The following POU1F1 variants were observed in gnomAD, a reference collection of about 807,000 sequenced individuals.
POU1F1 encodes the protein pituitary-specific positive transcription factor 1.
In POU1F1, 23 loss-of-function variants were observed where a neutral mutation model predicts 32.3. The ratio of observed to expected loss-of-function variants is 0.71; its 90% CI spans 0.51 to 1.01. POU1F1 has a LOEUF of 1.01. POU1F1 is among the 50% of genes least tolerant of loss of function. POU1F1 has a pLI of 0.00. For synonymous variants in POU1F1, 120 were observed against 115.6 expected, an observed-to-expected ratio of 1.04 and a Z score of -0.25; for missense variants, 323 against 341.6, an observed-to-expected ratio of 0.95 and a Z score of 0.43.
At chr3:87,266,933 G>T (rs995324485) in intron 2 of POU1F1, among the ~76,000 whole-genome samples, 1 of 151,854 alleles carries the variant, frequency 6.6e-6, no homozygotes, top group Non-Finnish European at 1.5e-5. Context: ...AGGTCCATCA[G>T]GTATCACTTA....
intron 5 of POU1F1, 107 bp downstream of exon 5, chr3:87,261,166 T>A: frequency 1.2e-6 from 1 of 868,406 alleles, no homozygotes. Flanking sequence ...GGCCTCCCAA[T>A]TCACCTTACA....
chr3:87,266,010 T>C (rs1706613217), intron 2 of POU1F1, among the ~76,000 whole-genome samples: 1 of 150,780 alleles, frequency 6.6e-6, no homozygotes, highest in Non-Finnish European at 1.5e-5. Context: ...AGAAACTTAC[T>C]GGAAAAAAAT....
At chr3:87,266,430 T>C (rs1056623471) in intron 2 of POU1F1, among the ~76,000 whole-genome samples, 2 of 149,290 alleles carry the variant, frequency 1.3e-5, no homozygotes, top group Non-Finnish European at 3.0e-5. Flanking sequence ...ATAGGGTATA[T>C]TATTTTTTCT....
At position 87,276,330 on chromosome 3, in the gene POU1F1, T is replaced by A. The variant is rs1465997215; in HGVS notation, c.133A>T (p.Met45Leu). 1.2e-6 allele frequency: 2 copies of A among 1,613,818 alleles called. No homozygotes were observed. The highest frequency in any genetic ancestry group is 2.7e-5 in the African/African-American group (2 of 74,910). Residue 45 changes from methionine (M) to leucine (L), a missense_variant, in exon 1 of 6, where the codon ATG (methionine) becomes TTG (leucine). Physicochemically the swap from Met to Leu is conservative, Grantham distance 15 (BLOSUM62 2). Transcript: ENST00000350375. ...TCATAGGAGTCAGTACCTGTAGACA[T>A]CACATTGGTGGCATGGTTGGAGACT... ...LPVSNHATNVMSTATGLHYSV... is the reference protein window; with the variant it reads ...LPVSNHATNVLSTATGLHYSV...
intron 2 of POU1F1, among the ~76,000 whole-genome samples, chr3:87,268,084 CTTTTTTTTT>C (rs11387958): frequency 8.6e-6 from 1 of 116,470 alleles, no homozygotes; most frequent in African/African-American, 3.0e-5. Context: ...TTCCCTTTCC[CTTTTTTTTT>C]TTTTTTTTTT....
At chr3:87,267,897 GAACCCAGCCACAA>G (rs896716288) in intron 2 of POU1F1, among the ~76,000 whole-genome samples, 11 of 151,998 alleles carry the variant, frequency 7.2e-5, no homozygotes, top group Non-Finnish European at 1.5e-4. Context: ...ATAAGCCACA[GAACCCAGCCACAA>G]AAATTGAAAG....
chr3:87,268,815 C>A (rs1449034207), intron 2 of POU1F1, among the ~76,000 whole-genome samples: 2 of 152,068 alleles, frequency 1.3e-5, no homozygotes, highest in Non-Finnish European at 2.9e-5. Flanking sequence ...TTCACCAGAG[C>A]CTTTCTAAAT....
chr3:87,268,104 T>TC (rs1284918817), intron 2 of POU1F1, among the ~76,000 whole-genome samples: 1 of 147,470 alleles, frequency 6.8e-6, no homozygotes, highest in Non-Finnish European at 1.5e-5. Flanking sequence ...TTTTTTTTTT[T>TC]TGACACAGCG....
At chr3:87,268,663 T>C (rs1706671622) in intron 2 of POU1F1, among the ~76,000 whole-genome samples, 1 of 152,144 alleles carries the variant, frequency 6.6e-6, no homozygotes, top group African/African-American at 2.4e-5. Flanking sequence ...ATGTTGTGAG[T>C]CATGTGTGAC....
At chr3:87,265,176 C>T (rs182581815) in intron 2 of POU1F1, among the ~76,000 whole-genome samples, 1 of 151,554 alleles carries the variant, frequency 6.6e-6, no homozygotes, top group Admixed American at 6.6e-5. Context: ...CAAAAGGTAA[C>T]CTTAAAAGTT....
rs980516775 is a variant in POU1F1, at chr3:87,260,761, T to C, written c.665+512A>G. On this transcript the variant is annotated intron_variant, in intron 5 of 5. Coordinates refer to ENST00000350375, the MANE Select transcript of POU1F1 (RefSeq NM_000306.4). The stretch of plus-strand genomic sequence containing the variant: ...TTTTCTTTCTGTTTGTATTCAAAAT[T>C]TTGGAGTAAAAGTGTTCTTGAATCA... 3.3e-5 allele frequency among the ~76,000 whole-genome samples: 5 copies of C among 152,108 alleles called. No individual in the cohort carries two copies. The East Asian group carries it at 9.6e-4, about 29-fold the overall frequency.
Position 87,263,230 on chromosome 3 carries a change from T to C in POU1F1, c.440-995A>G, listed in dbSNP as rs373525601. 4.6e-5 allele frequency among the ~76,000 whole-genome samples: 7 copies of C among 152,214 alleles called. No homozygotes were observed. In the East Asian group the frequency reaches 1.4e-3, roughly 29 times the overall value. On this transcript the variant is annotated intron_variant, in intron 3 of 5. Transcript: ENST00000350375. Reference sequence around the variant, plus strand: ...AACAGATAGTTCACAGAAAAGGAAATATAAATGATTGTCAAGCATATTAAA... The same window carrying C: ...AACAGATAGTTCACAGAAAAGGAAACATAAATGATTGTCAAGCATATTAAA...
intron 2 of POU1F1, among the ~76,000 whole-genome samples, chr3:87,266,728 G>A (rs1450581782): frequency 6.6e-6 from 1 of 151,548 alleles, no homozygotes; most frequent in African/African-American, 2.4e-5. Context: ...ATTGCCGTGG[G>A]GTTTATTTTT....
chr3:87,261,989 T>A, intron 4 of POU1F1, 82 bp downstream of exon 4: 2 of 1,544,384 alleles, frequency 1.3e-6, no homozygotes, highest in Non-Finnish European at 8.9e-7. Flanking sequence ...TCAAACCTCC[T>A]GCTTTAGCAT....
chr3:87,266,127 T>A (rs1706615420), intron 2 of POU1F1, among the ~76,000 whole-genome samples: 1 of 149,612 alleles, frequency 6.7e-6, no homozygotes. Context: ...CATTAATATA[T>A]CAATATATAA....
intron 1 of POU1F1, among the ~76,000 whole-genome samples, chr3:87,275,298 A>C (rs924599734): frequency 2.6e-5 from 4 of 151,988 alleles, no homozygotes; most frequent in African/African-American, 9.7e-5. Flanking sequence ...TAAATATCTG[A>C]CCTCTAGATT....
chr3:87,276,177 G>T, intron 1 of POU1F1, 144 bp downstream of exon 1: 1 of 1,028,534 alleles, frequency 9.7e-7, no homozygotes, highest in Non-Finnish European at 1.5e-6. Context: ...TTTTAGATAT[G>T]CTTAATGCTT....
At chr3:87,265,657 A>G (rs1470949309) in intron 2 of POU1F1, among the ~76,000 whole-genome samples, 3 of 152,066 alleles carry the variant, frequency 2.0e-5, no homozygotes, top group African/African-American at 4.8e-5. Flanking sequence ...AAAGTAAAAA[A>G]TAACAACACA....
chr3:87,259,623 G>C lies in POU1F1; in HGVS notation c.*271C>G, dbSNP rs530184343. ...TATGTCTGCGTGTGTGTGAGAAAGAGAGCGGGAGAGACAGAGAGATCATTT... is the reference window on the plus strand; with the variant it reads ...TATGTCTGCGTGTGTGTGAGAAAGACAGCGGGAGAGACAGAGAGATCATTT... On this transcript the variant is annotated 3_prime_UTR_variant, in exon 6 of 6. Coordinates refer to ENST00000350375, the MANE Select transcript of POU1F1 (RefSeq NM_000306.4). 8.0e-5 allele frequency: 33 copies of C among 414,236 alleles called. No individual in the cohort carries two copies. Among genetic ancestry groups the C allele is most frequent in the African/African-American group, 4.5e-4 (22 of 49,128 alleles). 25.7% of individuals were successfully genotyped at this position (414,236 alleles called of 1,614,324 possible). A position where few individuals can be genotyped will look rare whatever the true frequency, so the allele number is the denominator to read the frequency against.
Sources: gnomAD v4.1 joint callset for allele counts (sites outside exome capture counted in the v4.1 genomes callset) on GRCh38, gnomAD v4.1.1 for gene constraint, MANE v1.5 for transcripts, NCBI Gene and HGNC (gene_info 2026-07-23, HGNC 2026-07-21) for gene names.